The following PEAK1 variants were observed in gnomAD, a reference collection of about 807,000 sequenced individuals.
PEAK1 encodes pseudopodium enriched atypical kinase 1.
In PEAK1, 54 loss-of-function variants were observed where a neutral mutation model predicts 124.7. The observed-to-expected ratio is 0.43, with a 90% CI of 0.35 to 0.54. The LOEUF (loss-of-function observed/expected upper bound fraction) is 0.54, where lower values mean the gene tolerates loss of function less well. Among genes scored for constraint, PEAK1 ranks in the 20% least tolerant of loss-of-function variants. PEAK1 has a pLI of 0.01. For synonymous variants in PEAK1, 719 were observed against 760.0 expected (o/e 0.95, Z 0.89); for missense variants, 2,046 against 2,134.5 (o/e 0.96, Z 0.82).
chr15:77,151,450 C>T (rs1483620953), intron 8 of PEAK1, among the ~76,000 whole-genome samples: 6 of 152,100 alleles, frequency 3.9e-5, no homozygotes, highest in Admixed American at 3.9e-4. Context: ...TTTTCTCCCA[C>T]TTTGTAGGTT....
chr15:77,200,545 A>T (rs1248979617), intron 6 of PEAK1, among the ~76,000 whole-genome samples: 1 of 152,296 alleles, frequency 6.6e-6, no homozygotes, highest in African/African-American at 2.4e-5. Flanking sequence ...TACTTTATAA[A>T]CATATTAAAG....
rs762329860 is a variant in PEAK1 at position 77,109,823 on chromosome 15, T to C, written c.*4333A>G. Reference sequence around the variant, plus strand: ...AACATGCCAGGGTTGGCCCAGCAAGTCCAGTTTGTCTCACCCCTCTCCAAG... The same window carrying C: ...AACATGCCAGGGTTGGCCCAGCAAGCCCAGTTTGTCTCACCCCTCTCCAAG... On this transcript the variant is annotated 3_prime_UTR_variant, in exon 10 of 10. Coordinates refer to ENST00000682557, the MANE Select transcript of PEAK1 (RefSeq NM_001385026.1). 2.6e-5 allele frequency: 4 copies of C among 152,198 alleles called. No homozygotes were observed. Among genetic ancestry groups the C allele is most frequent in the South Asian group, 2.1e-4 (1 of 4,832 alleles). The allele number at this position is 152,198 out of a possible 1,614,324, so 9.4% of individuals were successfully genotyped here.
chr15:77,130,237 G>C (rs1172766693), intron 9 of PEAK1, among the ~76,000 whole-genome samples: 1 of 152,158 alleles, frequency 6.6e-6, no homozygotes, highest in Non-Finnish European at 1.5e-5. Context: ...TTCTGAAACA[G>C]GTACTCATCC....
At chr15:77,408,096 CACATATAT>C (rs933980298) in intron 1 of PEAK1, among the ~76,000 whole-genome samples, 9 of 150,674 alleles carry the variant, frequency 6.0e-5, no homozygotes, top group African/African-American at 1.5e-4. Flanking sequence ...TATATACACA[CACATATAT>C]ACATATATAC....
chr15:77,278,879 C>A, intron 5 of PEAK1: 1 of 284,942 alleles, frequency 3.5e-6, no homozygotes, highest in South Asian at 3.2e-5. Flanking sequence ...ATCGCCCAGG[C>A]TGGAGTGCAA....
chr15:77,418,172 G>A lies in PEAK1; in HGVS notation c.-666+1834C>T, dbSNP rs551968093. On this transcript the variant is annotated intron_variant, in intron 1 of 9. Coordinates refer to ENST00000682557, the MANE Select transcript of PEAK1 (RefSeq NM_001385026.1). ...CAACTGGATAAAACGAATAGTTGAGGTATCATAATAGTTCAAAGTGATCTT... is the reference window on the plus strand; with the variant it reads ...CAACTGGATAAAACGAATAGTTGAGATATCATAATAGTTCAAAGTGATCTT... 11 of 984,830 alleles carry A rather than the reference G, an allele frequency of 1.1e-5. No homozygotes were observed. In the Admixed American group the frequency reaches 6.2e-4, roughly 55 times the overall value. 61.0% of individuals were successfully genotyped at this position (984,830 alleles called of 1,614,324 possible).
At chr15:77,341,686 T>G (rs904446656) in intron 2 of PEAK1, among the ~76,000 whole-genome samples, 3 of 152,132 alleles carry the variant, frequency 2.0e-5, no homozygotes, top group African/African-American at 7.2e-5. Context: ...TGGTGACAGC[T>G]CCCATCTTGA....
chr15:77,108,328 A>C lies in PEAK1; in HGVS notation c.*5828T>G, dbSNP rs1451983081. The C allele has an allele frequency of 2.0e-5, 3 of 152,254 alleles. No homozygotes were observed. Among genetic ancestry groups the C allele is most frequent in the Admixed American group, 6.5e-5 (1 of 15,292 alleles). 9.4% of individuals were successfully genotyped at this position (152,254 alleles called of 1,614,324 possible). On this transcript the variant is annotated 3_prime_UTR_variant, in exon 10 of 10. Coordinates refer to ENST00000682557, the MANE Select transcript of PEAK1 (RefSeq NM_001385026.1). ...TGTAAGTAGAGGGGTGAAGCTCCGG[A>C]AAGAGCAAAAACAAGATTTTCAAAT...
exon 7 of PEAK1, chr15:77,101,406 C>G (rs2050692524): frequency 6.6e-6 from 1 of 152,132 alleles, no homozygotes; most frequent in Non-Finnish European, 1.5e-5. Flanking sequence ...AGCAAAAATC[C>G]CCCGATGAGT....
chr15:77,418,544 C>A, intron 1 of PEAK1: 1 of 985,130 alleles, frequency 1.0e-6, no homozygotes, highest in Non-Finnish European at 1.2e-6. Context: ...CTATAACCCT[C>A]AACTTTGAAG....
rs556310187 is a variant in PEAK1 at position 77,178,555 on chromosome 15, C to A, written c.3137+235G>T. 7.8e-6 allele frequency: 4 copies of A among 514,432 alleles called. No individual in the cohort carries two copies. The East Asian group carries it at 8.8e-5, about 11-fold the overall frequency. 31.9% of individuals were successfully genotyped at this position (514,432 alleles called of 1,614,324 possible). A position where few individuals can be genotyped will look rare whatever the true frequency, so the allele number is the denominator to read the frequency against. On this transcript the variant is annotated intron_variant, in intron 7 of 9. Transcript: ENST00000682557. ...CTATGCTAAAGTTCCTCTGCATTCA[C>A]CAGAATGCAGTAGGCTACTTAAGCC... is the stretch of plus-strand genomic sequence containing the variant.
At chr15:77,393,748 G>A (rs1214452329) in intron 1 of PEAK1, among the ~76,000 whole-genome samples, 5 of 152,190 alleles carry the variant, frequency 3.3e-5, no homozygotes, top group Non-Finnish European at 7.4e-5. Context: ...GAAAAGGAGA[G>A]GGAAGAGTAA....
intron 2 of PEAK1, among the ~76,000 whole-genome samples, chr15:77,308,939 C>CA (rs1382341465): frequency 4.0e-5 from 6 of 151,218 alleles, no homozygotes; most frequent in African/African-American, 7.3e-5. Flanking sequence ...AAATCAAAGC[C>CA]AAAAAAAATC....
intron 2 of PEAK1, among the ~76,000 whole-genome samples, chr15:77,311,701 A>AAG (rs1555477185): frequency 1.3e-5 from 2 of 150,786 alleles, no homozygotes; most frequent in Non-Finnish European, 2.9e-5. Context: ...AAAAAAAAAA[A>AAG]AAAAAGAAAA....
At chr15:77,341,009 G>A (rs1417804143) in intron 2 of PEAK1, among the ~76,000 whole-genome samples, 2 of 151,152 alleles carry the variant, frequency 1.3e-5, no homozygotes, top group South Asian at 2.1e-4. Flanking sequence ...GGACTGTGGT[G>A]GCACAATCAC....
rs907988043 is a variant in PEAK1 at position 77,403,588 on chromosome 15, T to C, written c.-666+16418A>G. The C allele has an allele frequency of 2.8e-5, 27 of 957,384 alleles. No homozygotes were observed. The African/African-American group carries it at 3.9e-4, about 14-fold the overall frequency. 59.3% of individuals were successfully genotyped at this position (957,384 alleles called of 1,614,324 possible). On this transcript the variant is annotated intron_variant, in intron 1 of 9. Transcript: ENST00000682557. ...ACATATATTCAGCCTCTGAGTCTAA[T>C]ATTTATTGGATGTTCATATATCATA...
intron 7 of PEAK1, chr15:77,178,535 C>T (rs1201266016): frequency 6.3e-6 from 3 of 476,804 alleles, no homozygotes; most frequent in East Asian, 6.1e-5. Flanking sequence ...CTTTTCTATG[C>T]TAAAGTTCCT....
At chr15:77,299,865 G>T (rs2063698820) in intron 2 of PEAK1, among the ~76,000 whole-genome samples, 1 of 152,092 alleles carries the variant, frequency 6.6e-6, no homozygotes, top group African/African-American at 2.4e-5. Flanking sequence ...TAATTTATTA[G>T]ATCACTGTGG....
chr15:77,211,663 T>A (rs547643778), intron 6 of PEAK1, among the ~76,000 whole-genome samples: 1 of 151,968 alleles, frequency 6.6e-6, no homozygotes, highest in South Asian at 2.1e-4. Flanking sequence ...AGCTGGCCAA[T>A]GTGGTGAAAC....
Sources: gnomAD v4.1 joint callset for allele counts (sites outside exome capture counted in the v4.1 genomes callset) on GRCh38, gnomAD v4.1.1 for gene constraint, MANE v1.5 for transcripts, NCBI Gene and HGNC (gene_info 2026-07-23, HGNC 2026-07-21) for gene names.